Variants in PDE8A observed in about 807,000 individuals in gnomAD.
PDE8A encodes high affinity cAMP-specific and IBMX-insensitive 3',5'-cyclic phosphodiesterase 8A.
A neutral mutation model predicts 105.0 loss-of-function variants in PDE8A; 59 were observed. The observed-to-expected ratio is 0.56, with a 90% CI of 0.46 to 0.70. The LOEUF (loss-of-function observed/expected upper bound fraction) is 0.70. PDE8A is among the 30% of genes least tolerant of loss of function. The probability of loss-of-function intolerance (pLI) is 0.00; values close to 1 mark genes in which losing one functional copy is unlikely to be tolerated. For synonymous variants in PDE8A, 355 were observed against 371.9 expected, an observed-to-expected ratio of 0.95 and a Z score of 0.52; for missense variants, 1,014 against 1,045.9, an observed-to-expected ratio of 0.97 and a Z score of 0.42.
chr15:85,107,436 A>C (rs1302028435), intron 11 of PDE8A, among the ~76,000 whole-genome samples: 2 of 152,206 alleles, frequency 1.3e-5, no homozygotes, highest in Admixed American at 1.3e-4. Context: ...GCAGAGAATA[A>C]GTTGAAAGGG....
intron 1 of PDE8A, among the ~76,000 whole-genome samples, chr15:85,022,840 A>C (rs2080451484): frequency 6.6e-6 from 1 of 152,150 alleles, no homozygotes; most frequent in Non-Finnish European, 1.5e-5. Context: ...GGCGTGAGCC[A>C]CCGGACCTAG....
At chr15:85,099,317 C>T (rs1292582923) in intron 9 of PDE8A, among the ~76,000 whole-genome samples, 2 of 152,380 alleles carry the variant, frequency 1.3e-5, no homozygotes, top group East Asian at 3.9e-4. Context: ...GGCTGCAGAC[C>T]TCAGCACTGA....
At chr15:85,092,568 C>T (rs537598947) in intron 8 of PDE8A, among the ~76,000 whole-genome samples, 2 of 152,160 alleles carry the variant, frequency 1.3e-5, no homozygotes, top group South Asian at 4.2e-4. Context: ...TCAATCCTGG[C>T]ATTTAGGTTC....
At chr15:85,071,218 C>T (rs528745368) in intron 3 of PDE8A, among the ~76,000 whole-genome samples, 1 of 152,296 alleles carries the variant, frequency 6.6e-6, no homozygotes, top group East Asian at 1.9e-4. Context: ...TAAAGGAAGG[C>T]AGTGGAAACA....
intron 1 of PDE8A, among the ~76,000 whole-genome samples, chr15:84,997,544 A>C (rs1381847757): frequency 6.6e-6 from 1 of 151,892 alleles, no homozygotes; most frequent in Admixed American, 6.6e-5. Flanking sequence ...CCGTTTTATT[A>C]ATTTCTTCAG....
intron 11 of PDE8A, among the ~76,000 whole-genome samples, chr15:85,102,671 C>G (rs1405247270): frequency 2.6e-5 from 4 of 151,602 alleles, no homozygotes; most frequent in Non-Finnish European, 4.4e-5. Context: ...GAAACCTCGT[C>G]TCTACTAAAA....
At chr15:84,982,836 A>G (rs1321685480) in intron 1 of PDE8A, among the ~76,000 whole-genome samples, 3 of 152,014 alleles carry the variant, frequency 2.0e-5, no homozygotes, top group African/African-American at 4.8e-5. Context: ...GCAGGTTACC[A>G]TTTTCTTCGG....
intron 20 of PDE8A, among the ~76,000 whole-genome samples, chr15:85,135,001 G>A (rs931417111): frequency 1.7e-4 from 26 of 152,168 alleles, no homozygotes; most frequent in Non-Finnish European, 7.4e-5. Flanking sequence ...GCTGCGGTGG[G>A]GGGAGAGAGA....
chr15:84,993,239 C>T (rs551602886), intron 1 of PDE8A, among the ~76,000 whole-genome samples: 107 of 150,948 alleles, frequency 7.1e-4, no homozygotes, highest in Admixed American at 2.8e-3. Context: ...GTCAGGAGAT[C>T]AAGACCATCC....
At chr15:85,058,874 A>G (rs2081102631) in intron 1 of PDE8A, among the ~76,000 whole-genome samples, 1 of 151,856 alleles carries the variant, frequency 6.6e-6, no homozygotes, top group African/African-American at 2.4e-5. Context: ...ATTTTTCTGT[A>G]TTATCTATTC....
At chr15:85,022,953 G>A (rs1206637889) in intron 1 of PDE8A, among the ~76,000 whole-genome samples, 2 of 152,190 alleles carry the variant, frequency 1.3e-5, no homozygotes, top group Admixed American at 6.5e-5. Flanking sequence ...GTCAGTAGGA[G>A]AGATTAACGA....
At chr15:85,033,271 A>G (rs2080646375) in intron 1 of PDE8A, among the ~76,000 whole-genome samples, 1 of 152,202 alleles carries the variant, frequency 6.6e-6, no homozygotes, top group Non-Finnish European at 1.5e-5. Flanking sequence ...TGAGCACACA[A>G]GCTGATGGCA....
At position 85,120,877 on chromosome 15, in the gene PDE8A, C is replaced by T. The variant is rs200098845; in HGVS notation, c.1815C>T (p.Asn605=). Reference sequence around the variant, plus strand: ...ATGTGGATCACCCTGGGAGAACCAACTCCTTCCTGTGTAATGCTGGAAGTG... The same window carrying T: ...ATGTGGATCACCCTGGGAGAACCAATTCCTTCCTGTGTAATGCTGGAAGTG... The part of the protein sequence containing the change: ...IHDVDHPGRT[N]SFLCNAGSEL... Residue 605 remains asparagine (N), a synonymous_variant, in exon 18 of 22, where the codon AAC becomes AAT. Coordinates refer to ENST00000394553, the MANE Select transcript of PDE8A (RefSeq NM_002605.3). 1 of 1,613,986 alleles carries T rather than the reference C, an allele frequency of 6.2e-7. No homozygotes were observed. Among genetic ancestry groups the T allele is most frequent in the East Asian group, 2.2e-5 (1 of 44,888 alleles).
At chr15:85,098,492 G>A (rs879904206) in intron 9 of PDE8A, among the ~76,000 whole-genome samples, 4 of 152,152 alleles carry the variant, frequency 2.6e-5, no homozygotes, top group Non-Finnish European at 5.9e-5. Flanking sequence ...TTGGAAACCA[G>A]TATATATCAG....
intron 1 of PDE8A, among the ~76,000 whole-genome samples, chr15:85,027,683 A>T (rs894625516): frequency 1.3e-5 from 2 of 152,260 alleles, no homozygotes; most frequent in African/African-American, 4.8e-5. Context: ...TTGCTCACGT[A>T]TGTTAGGAAA....
chr15:85,088,615 A>G (rs2141522825), intron 6 of PDE8A, among the ~76,000 whole-genome samples: 1 of 152,322 alleles, frequency 6.6e-6, no homozygotes, highest in Middle Eastern at 3.4e-3. Context: ...GCTGTTTCCC[A>G]AAAAGGGGCT....
Position 85,075,927 on chromosome 15 carries a change from T to C in PDE8A, c.491+9T>C. ...GTTGGTGTAGTACGCAGGTAAACTT[T>C]CATTTTTTTAATGTTGAAATTGAGG... is the stretch of plus-strand genomic sequence containing the variant. On this transcript the variant is annotated intron_variant, in intron 4 of 21. Transcript: ENST00000394553. 1.3e-6 allele frequency: 2 copies of C among 1,514,622 alleles called. No homozygotes were observed. Among genetic ancestry groups the C allele is most frequent in the South Asian group, 1.2e-5 (1 of 85,806 alleles). 93.8% of individuals were successfully genotyped at this position (1,514,622 alleles called of 1,614,324 possible). A position where few individuals can be genotyped will look rare whatever the true frequency, so the allele number is the denominator to read the frequency against.
chr15:85,023,299 G>A (rs2141358685), intron 1 of PDE8A, among the ~76,000 whole-genome samples: 1 of 152,362 alleles, frequency 6.6e-6, no homozygotes. Context: ...TAGAGACCAT[G>A]AATTCTTGGT....
chr15:84,982,432 C>G (rs1003902872), intron 1 of PDE8A, 84 bp downstream of exon 1: 2 of 841,384 alleles, frequency 2.4e-6, no homozygotes, highest in Non-Finnish European at 1.6e-6. Context: ...CGGGCGGGGT[C>G]CCCCCCACCC....
Sources: gnomAD v4.1 joint callset for allele counts (sites outside exome capture counted in the v4.1 genomes callset) on GRCh38, gnomAD v4.1.1 for gene constraint, MANE v1.5 for transcripts, NCBI Gene and HGNC (gene_info 2026-07-23, HGNC 2026-07-21) for gene names.